The following SCN1A variants were observed in gnomAD, a reference collection of about 807,000 sequenced individuals.
SCN1A encodes the protein sodium voltage-gated channel alpha subunit 1.
Under a neutral mutation model 193.7 loss-of-function variants are expected in SCN1A, and 13 were observed. The observed-to-expected ratio is 0.07, with a 90% CI of 0.04 to 0.11. The LOEUF (loss-of-function observed/expected upper bound fraction) is 0.11, where lower values mean the gene tolerates loss of function less well. Ranked by LOEUF, SCN1A falls within the 10% of genes least tolerant of loss-of-function variation. The pLI, the probability that SCN1A is intolerant of heterozygous loss-of-function variation, is 1.00. For synonymous variants in SCN1A, 781 were observed against 843.6 expected, an observed-to-expected ratio of 0.93 and a Z score of 1.29; for missense variants, 1,432 against 2,451.1, an observed-to-expected ratio of 0.58 and a Z score of 8.78.
At chr2:166,081,738 C>T (rs1425739256) in intron 2 of SCN1A, 1 of 151,776 alleles carries the variant, frequency 6.6e-6, no homozygotes, top group African/African-American at 2.4e-5. Flanking sequence ...GTTTTTAAAG[C>T]CTAAAAGAAA....
chr2:166,088,945 A>G (rs1686455110), intron 2 of SCN1A, among the ~76,000 whole-genome samples: 1 of 152,230 alleles, frequency 6.6e-6, no homozygotes, highest in South Asian at 2.1e-4. Context: ...GTTGCCAGAA[A>G]AAATACATGC....
intron 3 of SCN1A, among the ~76,000 whole-genome samples, chr2:166,075,721 G>A (rs1204632396): frequency 6.6e-6 from 1 of 151,922 alleles, no homozygotes; most frequent in Non-Finnish European, 1.5e-5. Context: ...TGTACAGAAT[G>A]TTTATTTATG....
intron 2 of SCN1A, among the ~76,000 whole-genome samples, chr2:166,085,977 T>C (rs1026691094): frequency 1.3e-5 from 2 of 152,188 alleles, no homozygotes; most frequent in African/African-American, 4.8e-5. Context: ...AAACTCAGTA[T>C]ATTAAATTTT....
chr2:166,052,524 A>G (rs1366387225), intron 8 of SCN1A, among the ~76,000 whole-genome samples: 3 of 151,888 alleles, frequency 2.0e-5, no homozygotes, highest in Non-Finnish European at 2.9e-5. Flanking sequence ...TGCATTGTAT[A>G]CACATAGTCA....
chr2:166,101,456 A>C (rs564146313), intron 2 of SCN1A, among the ~76,000 whole-genome samples: 1 of 150,782 alleles, frequency 6.6e-6, no homozygotes, highest in Non-Finnish European at 1.5e-5. Context: ...ACATGTATAC[A>C]TATGTAACTA....
chr2:165,985,278 A>G (rs1009117388), downstream of SCN1A: 2 of 150,922 alleles, frequency 1.3e-5, no homozygotes, highest in African/African-American at 4.9e-5. Flanking sequence ...GGAAGGAAGG[A>G]AGGAGAGGGA....
chr2:166,040,187 G>T (rs899189125), intron 16 of SCN1A, among the ~76,000 whole-genome samples: 9 of 152,120 alleles, frequency 5.9e-5, no homozygotes, highest in Non-Finnish European at 1.2e-4. Flanking sequence ...CAAAGTGCTG[G>T]GATTACAGGC....
intron 2 of SCN1A, among the ~76,000 whole-genome samples, chr2:166,085,189 C>T (rs1685977737): frequency 6.6e-6 from 1 of 152,142 alleles, no homozygotes; most frequent in African/African-American, 2.4e-5. Flanking sequence ...TATGATTAGA[C>T]TCTGTTCCTG....
chr2:166,009,696 T>C (rs762075164), intron 23 of SCN1A, 23 bp downstream of exon 23: 20 of 1,598,952 alleles, frequency 1.3e-5, no homozygotes, highest in Non-Finnish European at 1.6e-5. Context: ...ATACAATACT[T>C]CAGGTTCTTT....
At chr2:165,994,030 TA>T (rs1370650357) in intron 28 of SCN1A, 115 bp downstream of exon 28, 1 of 849,538 alleles carries the variant, frequency 1.2e-6, no homozygotes, top group Non-Finnish European at 1.8e-6. Flanking sequence ...GGATAAAATG[TA>T]TCAAAATATT....
chr2:166,141,489 C>T (rs1165522404), intron 1 of SCN1A, among the ~76,000 whole-genome samples: 6 of 151,948 alleles, frequency 3.9e-5, no homozygotes, highest in Non-Finnish European at 5.9e-5. Context: ...GCCAGGAGTT[C>T]AAGACCAGCC....
rs554080391 is a variant in SCN1A at position 166,058,032 on chromosome 2, C to G, written c.383+538G>C. Among the ~76,000 whole-genome samples the G allele has an allele frequency of 3.9e-5, 6 of 152,126 alleles. No homozygotes were observed. In the South Asian group the frequency reaches 1.2e-3, roughly 32 times the overall value. The stretch of plus-strand genomic sequence containing the variant: ...TTGAATTTGAAATTCAGCCAATATT[C>G]CAGTACTTCCTTCACAAAAATCATC... On this transcript the variant is annotated intron_variant, in intron 5 of 28. Coordinates refer to ENST00000674923, the MANE Select transcript of SCN1A (RefSeq NM_001165963.4).
At position 166,115,228 on chromosome 2, in the gene SCN1A, G is replaced by A. The variant is rs191473816; in HGVS notation, c.-142+11696C>T. ...CAAAAAATTAGCTGGGCATGGTGGCGCATGCTTGTAGTCCCCGCCACTTGG... is the reference window on the plus strand; with the variant it reads ...CAAAAAATTAGCTGGGCATGGTGGCACATGCTTGTAGTCCCCGCCACTTGG... On this transcript the variant is annotated intron_variant, in intron 2 of 28. Coordinates refer to ENST00000674923, the MANE Select transcript of SCN1A (RefSeq NM_001165963.4). Among the ~76,000 whole-genome samples the A allele has an allele frequency of 6.4e-3, 980 of 152,142 alleles. 3 individuals carry two copies. Among genetic ancestry groups the A allele is most frequent in the Non-Finnish European group, 9.8e-3 (666 of 67,988 alleles).
At chr2:166,080,628 G>A (rs895834746) in intron 2 of SCN1A, among the ~76,000 whole-genome samples, 1 of 141,778 alleles carries the variant, frequency 7.1e-6, no homozygotes, top group Non-Finnish European at 1.6e-5. Flanking sequence ...TCCTAAAGAA[G>A]ACAGGAAAAA....
chr2:165,995,005 A>C (rs1295685763), intron 27 of SCN1A, among the ~76,000 whole-genome samples: 1 of 151,868 alleles, frequency 6.6e-6, no homozygotes, highest in Non-Finnish European at 1.5e-5. Context: ...GCACAAGGAT[A>C]ATGAGACCAG....
chr2:166,138,443 C>T (rs1290609219), intron 1 of SCN1A, among the ~76,000 whole-genome samples: 1 of 152,184 alleles, frequency 6.6e-6, no homozygotes, highest in Non-Finnish European at 1.5e-5. Context: ...TTGCCTCAGC[C>T]ATTCCAGCTA....
At chr2:166,004,755 G>A (rs1352838570) in intron 23 of SCN1A, among the ~76,000 whole-genome samples, 1 of 151,394 alleles carries the variant, frequency 6.6e-6, no homozygotes, top group African/African-American at 2.4e-5. Context: ...CCAGGTGATT[G>A]AGATGCCATT....
At chr2:166,121,567 G>A (rs568135518) in intron 2 of SCN1A, among the ~76,000 whole-genome samples, 28 of 152,210 alleles carry the variant, frequency 1.8e-4, no homozygotes, top group African/African-American at 6.5e-4. Flanking sequence ...TAGTCATCAT[G>A]CCTGTAATTA....
Position 166,036,029 on chromosome 2 carries a change from C to A in SCN1A, c.3429+19G>T. On this transcript the variant is annotated intron_variant, in intron 19 of 28. Transcript: ENST00000674923. ...ATATGTATATGTATTCATACCTTCC[C>A]ACACCTATAGAATCTTACCTCTTTG... 6.2e-7 allele frequency: 1 copy of A among 1,611,758 alleles called. No individual in the cohort carries two copies. The highest frequency in any genetic ancestry group is 8.5e-7 in the Non-Finnish European group (1 of 1,178,842).
Sources: allele counts gnomAD v4.1 joint callset (sites outside exome capture counted in the v4.1 genomes callset), GRCh38; gene constraint gnomAD v4.1.1; transcripts MANE v1.5; gene names NCBI Gene and HGNC (gene_info 2026-07-23, HGNC 2026-07-21).